Variants in FER observed in about 807,000 individuals in gnomAD.
FER encodes tyrosine-protein kinase Fer.
In FER, 63 loss-of-function variants were observed where a neutral mutation model predicts 111.0. The ratio of observed to expected loss-of-function variants is 0.57; its 90% confidence interval spans 0.46 to 0.70. FER has a LOEUF of 0.70. FER is among the 30% of genes least tolerant of loss of function. FER has a pLI of 0.00. For synonymous variants in FER, 327 were observed against 313.9 expected, an observed-to-expected ratio of 1.04 and a Z score of -0.44; for missense variants, 914 against 954.0, an observed-to-expected ratio of 0.96 and a Z score of 0.55.
At chr5:108,854,349 GTT>G (rs997769726) in intron 5 of FER, among the ~76,000 whole-genome samples, 3 of 152,136 alleles carry the variant, frequency 2.0e-5, no homozygotes, top group Non-Finnish European at 4.4e-5. Context: ...CACTAGAGCC[GTT>G]TCAAACAGTG....
At chr5:108,954,689 T>G in intron 11 of FER, 40 bp from the exon 12 acceptor site, 1 of 1,371,796 alleles carries the variant, frequency 7.3e-7, no homozygotes, top group Non-Finnish European at 9.7e-7. Flanking sequence ...TAATCAGTAT[T>G]TTCTCTAATT....
At chr5:109,030,325 T>G (rs1376254416) in intron 13 of FER, among the ~76,000 whole-genome samples, 1 of 152,188 alleles carries the variant, frequency 6.6e-6, no homozygotes, top group African/African-American at 2.4e-5. Flanking sequence ...GTTGACTGTC[T>G]TTTCTCATTC....
At chr5:108,801,924 A>C (rs1278710655) in intron 3 of FER, among the ~76,000 whole-genome samples, 1 of 152,226 alleles carries the variant, frequency 6.6e-6, no homozygotes, top group South Asian at 2.1e-4. Context: ...CTAAGTGAGT[A>C]ATATTCAAGT....
intron 17 of FER, among the ~76,000 whole-genome samples, chr5:109,136,668 T>TA (rs1752931911): frequency 6.6e-6 from 1 of 152,162 alleles, no homozygotes; most frequent in Non-Finnish European, 1.5e-5. Flanking sequence ...TTAAAGAACA[T>TA]AGATTTAGTG....
At chr5:108,911,836 C>A (rs1581167501) in intron 10 of FER, among the ~76,000 whole-genome samples, 1 of 152,008 alleles carries the variant, frequency 6.6e-6, no homozygotes, top group Non-Finnish European at 1.5e-5. Context: ...TATATTTGTA[C>A]AAGTATCATG....
At chr5:109,023,067 T>C (rs1768149451) in intron 13 of FER, among the ~76,000 whole-genome samples, 1 of 152,096 alleles carries the variant, frequency 6.6e-6, no homozygotes, top group Admixed American at 6.6e-5. Context: ...GATGGAAGCA[T>C]GAAATCAGGT....
chr5:108,945,541 T>C (rs1756869519), intron 10 of FER, among the ~76,000 whole-genome samples: 2 of 152,036 alleles, frequency 1.3e-5, no homozygotes, highest in African/African-American at 4.8e-5. Flanking sequence ...TGTCTGCCAT[T>C]ACCTTCTTAT....
intron 5 of FER, among the ~76,000 whole-genome samples, chr5:108,864,965 C>T (rs1466164146): frequency 1.4e-4 from 20 of 148,054 alleles, no homozygotes; most frequent in Middle Eastern, 3.4e-3. Context: ...GCCATTTTCA[C>T]GATATTGATT....
At chr5:109,057,691 A>C (rs1773823558) in intron 16 of FER, among the ~76,000 whole-genome samples, 1 of 152,166 alleles carries the variant, frequency 6.6e-6, no homozygotes, top group Non-Finnish European at 1.5e-5. Flanking sequence ...GATATAAAGA[A>C]CCTGCATAGT....
intron 9 of FER, among the ~76,000 whole-genome samples, chr5:108,884,983 T>C (rs1424507027): frequency 6.6e-6 from 1 of 151,978 alleles, no homozygotes; most frequent in Non-Finnish European, 1.5e-5. Context: ...AAATGCCAGA[T>C]CTTAATCCTC....
chr5:109,061,119 T>C (rs984707597), intron 16 of FER, among the ~76,000 whole-genome samples: 7 of 152,218 alleles, frequency 4.6e-5, no homozygotes, highest in African/African-American at 1.2e-4. Flanking sequence ...TTAGCCTTTA[T>C]ACGTGTCATT....
chr5:108,944,142 A>ACAC (rs1756664155), intron 10 of FER, among the ~76,000 whole-genome samples: 13 of 137,886 alleles, frequency 9.4e-5, no homozygotes, highest in African/African-American at 3.5e-4. Flanking sequence ...CACACACACA[A>ACAC]ACACACACAC....
chr5:109,015,540 A>G (rs1405791454), intron 13 of FER, among the ~76,000 whole-genome samples: 1 of 151,802 alleles, frequency 6.6e-6, no homozygotes, highest in Non-Finnish European at 1.5e-5. Flanking sequence ...TTTTCCCTCA[A>G]AGAGCTTCTA....
chr5:109,058,976 G>A (rs993517568), intron 16 of FER, among the ~76,000 whole-genome samples: 1 of 151,638 alleles, frequency 6.6e-6, no homozygotes, highest in Non-Finnish European at 1.5e-5. Context: ...CTGACCTCAG[G>A]TAATACACCC....
At chr5:109,038,500 G>T (rs1031129257) in intron 14 of FER, among the ~76,000 whole-genome samples, 2 of 151,814 alleles carry the variant, frequency 1.3e-5, no homozygotes, top group African/African-American at 4.8e-5. Flanking sequence ...AACATAGTTT[G>T]CAGGATTCTT....
chr5:108,749,862 A>G (rs1169441707), intron 1 of FER, among the ~76,000 whole-genome samples: 4 of 152,214 alleles, frequency 2.6e-5, no homozygotes, highest in African/African-American at 9.6e-5. Context: ...TGGTAGGGGC[A>G]AGGTACTTCT....
chr5:108,852,032 C>T (rs761319667), intron 5 of FER, among the ~76,000 whole-genome samples: 4 of 152,170 alleles, frequency 2.6e-5, no homozygotes, highest in Non-Finnish European at 5.9e-5. Flanking sequence ...AACAAACTAT[C>T]TTCCTAATTA....
chr5:108,865,783 A>G (rs1468991573), intron 5 of FER, among the ~76,000 whole-genome samples: 1 of 152,238 alleles, frequency 6.6e-6, no homozygotes, highest in Non-Finnish European at 1.5e-5. Context: ...AAGGATATGA[A>G]CAGACACTTC....
At chr5:108,937,657 T>C (rs887181057) in intron 10 of FER, among the ~76,000 whole-genome samples, 2 of 151,650 alleles carry the variant, frequency 1.3e-5, no homozygotes, top group African/African-American at 4.8e-5. Flanking sequence ...GATAGTGTGG[T>C]AGGGGAATAA....
Sources: gnomAD v4.1 joint callset for allele counts (sites outside exome capture counted in the v4.1 genomes callset) on GRCh38, gnomAD v4.1.1 for gene constraint, MANE v1.5 for transcripts, NCBI Gene and HGNC (gene_info 2026-07-23, HGNC 2026-07-21) for gene names.